MFN1: variants seen among roughly 807,000 people sequenced by gnomAD.
The protein encoded by MFN1 is mitofusin 1.
Under a neutral mutation model 92.4 loss-of-function variants are expected in MFN1, and 65 were observed. That is an observed-to-expected ratio of 0.70 (90% CI 0.58 to 0.86). MFN1 has a LOEUF of 0.86. Ranked by LOEUF, MFN1 falls within the 40% of genes least tolerant of loss-of-function variation. The pLI, the probability that MFN1 is intolerant of heterozygous loss-of-function variation, is 0.00. For synonymous variants in MFN1, 297 were observed against 300.9 expected (o/e 0.99, Z 0.13); for missense variants, 781 against 868.0 (o/e 0.90, Z 1.26).
chr3:179,369,933 C>T (rs1712956322), intron 9 of MFN1, among the ~76,000 whole-genome samples: 1 of 152,006 alleles, frequency 6.6e-6, no homozygotes, highest in Non-Finnish European at 1.5e-5. Flanking sequence ...CATGGAATGT[C>T]CAGCTTTAGA....
chr3:179,373,671 A>G (rs1209758552), intron 9 of MFN1, among the ~76,000 whole-genome samples: 1 of 151,828 alleles, frequency 6.6e-6, no homozygotes. Context: ...AATTTTATAA[A>G]TTTTTATTTA....
chr3:179,376,128 C>G (rs906613691), intron 10 of MFN1, among the ~76,000 whole-genome samples: 1 of 152,110 alleles, frequency 6.6e-6, no homozygotes, highest in African/African-American at 2.4e-5. Context: ...GAACAAAGAC[C>G]CCTTCATGTC....
At position 179,393,205 on chromosome 3, in the gene MFN1, C is replaced by A. The variant is rs1018484873; in HGVS notation, c.*1146C>A. On this transcript the variant is annotated 3_prime_UTR_variant, in exon 18 of 18. Transcript: ENST00000471841. The stretch of plus-strand genomic sequence containing the variant: ...TCCTCTTTAATGAATCAAATAAAAT[C>A]TTTAACTGATGTTAAAAAAAATTGA... 6.6e-6 allele frequency: 1 copy of A among 152,042 alleles called. No individual in the cohort carries two copies. Among genetic ancestry groups the A allele is most frequent in the African/African-American group, 2.4e-5 (1 of 41,390 alleles). 9.4% of individuals were successfully genotyped at this position (152,042 alleles called of 1,614,324 possible). A position where few individuals can be genotyped will look rare whatever the true frequency, so the allele number is the denominator to read the frequency against.
At position 179,368,072 on chromosome 3, in the gene MFN1, A is replaced by C; in HGVS notation, c.944A>C (p.Gln315Pro). Reference protein sequence around the residue: ...ALAEGFHARLQEFQNFEQIFE... With the variant: ...ALAEGFHARLPEFQNFEQIFE... ...GCTGAAGGATTTCATGCAAGATTAC[A>C]GGAATTTCAGAATTTTGAACAAATC... The change falls in exon 9 of 18, where the codon CAG (glutamine) becomes CCG (proline). Residue 315 changes from glutamine to proline, a missense_variant. Physicochemically the swap from Gln to Pro is moderately conservative, Grantham distance 76 (BLOSUM62 -1). Coordinates refer to ENST00000471841, the MANE Select transcript of MFN1 (RefSeq NM_033540.3). The C allele has an allele frequency of 6.4e-7, 1 of 1,574,780 alleles. No homozygotes were observed. Among genetic ancestry groups the C allele is most frequent in the South Asian group, 1.2e-5 (1 of 85,922 alleles).
At chr3:179,365,040 A>C in intron 6 of MFN1, 78 bp from the exon 7 acceptor site, 3 of 794,204 alleles carry the variant, frequency 3.8e-6, no homozygotes, top group Non-Finnish European at 5.7e-6. Flanking sequence ...AATGGTTCAG[A>C]CTTTCTCATT....
At chr3:179,359,097 C>A in intron 4 of MFN1, 95 bp downstream of exon 4, 9 of 1,246,130 alleles carry the variant, frequency 7.2e-6, no homozygotes, top group Non-Finnish European at 9.5e-6. Flanking sequence ...GCATCGCTGA[C>A]ATCTTATAAA....
chr3:179,375,459 G>T, intron 10 of MFN1, 118 bp downstream of exon 10: 1 of 1,233,306 alleles, frequency 8.1e-7, no homozygotes, highest in Non-Finnish European at 1.1e-6. Context: ...AACCTTGTGG[G>T]TTTAACTGAT....
intron 9 of MFN1, among the ~76,000 whole-genome samples, chr3:179,370,486 A>T (rs1346435407): frequency 7.1e-6 from 1 of 140,936 alleles, no homozygotes; most frequent in Non-Finnish European, 1.5e-5. Flanking sequence ...ATGTCAGCTC[A>T]CTACAACCTC....
chr3:179,352,053 C>G lies in MFN1; in HGVS notation c.248+18C>G. 1 of 1,569,980 alleles carries G rather than the reference C, an allele frequency of 6.4e-7. No individual in the cohort carries two copies. Among genetic ancestry groups the G allele is most frequent in the Non-Finnish European group, 8.7e-7 (1 of 1,150,602 alleles). On this transcript the variant is annotated intron_variant, in intron 3 of 17. Transcript: ENST00000471841. ...TTTGGCAGGTAATTATTTATTATTA[C>G]TTCTAAGATTAGTTTCCAGGAATCA... is the stretch of plus-strand genomic sequence containing the variant.
At chr3:179,364,799 TC>T (rs1231208193) in intron 6 of MFN1, among the ~76,000 whole-genome samples, 1 of 152,236 alleles carries the variant, frequency 6.6e-6, no homozygotes, top group Non-Finnish European at 1.5e-5. Context: ...CAGAATATAC[TC>T]CAGGTTTCAG....
At chr3:179,348,443 A>G (rs749278965) in intron 1 of MFN1, among the ~76,000 whole-genome samples, 4 of 152,184 alleles carry the variant, frequency 2.6e-5, no homozygotes, top group African/African-American at 7.2e-5. Flanking sequence ...CTCACTCTGC[A>G]TATCCACTCC....
rs1191550861 is a variant in MFN1 at position 179,350,259 on chromosome 3, CT to C, written c.112+1305del. Among the ~76,000 whole-genome samples, 10 of 151,334 alleles carry C rather than the reference CT, an allele frequency of 6.6e-5. No individual in the cohort carries two copies. In the South Asian group the frequency reaches 8.3e-4, roughly 13 times the overall value. ...AACCTTTGGTAGATTGGGAATCAAACTTTTTTTTTCATGTCTCTCCCAACCC... is the reference window on the plus strand; with the variant it reads ...AACCTTTGGTAGATTGGGAATCAAACTTTTTTTTCATGTCTCTCCCAACCC... On this transcript the variant is annotated intron_variant, in intron 2 of 17. Transcript: ENST00000471841.
chr3:179,379,115 G>GA (rs1160627020), intron 14 of MFN1, among the ~76,000 whole-genome samples: 1 of 151,834 alleles, frequency 6.6e-6, no homozygotes, highest in African/African-American at 2.4e-5. Flanking sequence ...GTCCTCAAGG[G>GA]AAAAAAGACT....
In MFN1 at chr3:179,348,837, C is replaced by G; in HGVS notation, c.-7-8C>G. 6.2e-7 allele frequency: 1 copy of G among 1,608,002 alleles called. No individual in the cohort carries two copies. Among genetic ancestry groups the G allele is most frequent in the East Asian group, 2.2e-5 (1 of 44,774 alleles). On this transcript the variant is annotated splice_polypyrimidine_tract_variant and splice_region_variant and intron_variant, in intron 1 of 17. Coordinates refer to ENST00000471841, the MANE Select transcript of MFN1 (RefSeq NM_033540.3). ...AGTTGGTGCTTTTCTAACTTTATCTCCCTCTAGTAGCATAATGGCAGAACC... is the reference window on the plus strand; with the variant it reads ...AGTTGGTGCTTTTCTAACTTTATCTGCCTCTAGTAGCATAATGGCAGAACC...
At chr3:179,356,663 C>A (rs1462887340) in intron 3 of MFN1, among the ~76,000 whole-genome samples, 2 of 152,062 alleles carry the variant, frequency 1.3e-5, no homozygotes, top group African/African-American at 4.8e-5. Context: ...TTTGGGAAGG[C>A]AGGGTGACAG....
rs564698602 is a variant in MFN1 at position 179,372,053 on chromosome 3, T to TTATTATATATTATA, written c.976-3157_976-3144dup. The stretch of plus-strand genomic sequence containing the variant: ...CATGTATTATATATATTATATATAT[T>TTATTATATATTATA]TATTATATATTATATATTATATAAT... On this transcript the variant is annotated intron_variant, in intron 9 of 17. Coordinates refer to ENST00000471841, the MANE Select transcript of MFN1 (RefSeq NM_033540.3). Among the ~76,000 whole-genome samples the TTATTATATATTATA allele has an allele frequency of 4.9e-3, 719 of 147,000 alleles. 5 individuals are homozygous for TTATTATATATTATA. The highest frequency in any genetic ancestry group is 0.017 in the African/African-American group (683 of 40,442).
chr3:179,361,846 A>G (rs1165388122), intron 4 of MFN1, among the ~76,000 whole-genome samples: 1 of 152,158 alleles, frequency 6.6e-6, no homozygotes, highest in African/African-American at 2.4e-5. Context: ...CCTAGCTCTC[A>G]CTTTTAAGCA....
intron 12 of MFN1, chr3:179,378,111 T>C: frequency 2.0e-6 from 1 of 494,900 alleles, no homozygotes; most frequent in South Asian, 2.6e-5. Context: ...ATAGTCCCAG[T>C]TACTCAGGAG....
intron 3 of MFN1, among the ~76,000 whole-genome samples, chr3:179,355,675 G>A (rs552366839): frequency 6.6e-6 from 1 of 152,302 alleles, no homozygotes; most frequent in African/African-American, 2.4e-5. Context: ...CCAGGGGCCA[G>A]GCGTGGTGGC....
Sources: allele counts gnomAD v4.1 joint callset (sites outside exome capture counted in the v4.1 genomes callset), GRCh38; gene constraint gnomAD v4.1.1; transcripts MANE v1.5; gene names NCBI Gene and HGNC (gene_info 2026-07-23, HGNC 2026-07-21).